The following RARB variants were observed in gnomAD, a reference collection of about 807,000 sequenced individuals.
The protein encoded by RARB is HBV-activated protein.
In RARB, 17 loss-of-function variants were observed where a neutral mutation model predicts 51.9. That is an observed-to-expected ratio of 0.33 (90% CI 0.22 to 0.49). The LOEUF (loss-of-function observed/expected upper bound fraction) is 0.49, where lower values mean the gene tolerates loss of function less well. Among genes scored for constraint, RARB ranks in the 20% least tolerant of loss-of-function variants. The pLI, the probability that RARB is intolerant of heterozygous loss-of-function variation, is 0.99. For missense variants in RARB, 369 were observed against 550.8 expected, an observed-to-expected ratio of 0.67 and a Z score of 3.30; for synonymous variants, 215 against 195.4, an observed-to-expected ratio of 1.10 and a Z score of -0.84.
At chr3:25,430,818 T>C (rs1010636994) in intron 1 of RARB, among the ~76,000 whole-genome samples, 5 of 152,194 alleles carry the variant, frequency 3.3e-5, no homozygotes, top group East Asian at 1.9e-4. Flanking sequence ...TAGTTCTTAT[T>C]GTGGTCAGTT....
chr3:25,117,841 T>C (rs1393619458), intron 3 of RARB, among the ~76,000 whole-genome samples: 1 of 152,164 alleles, frequency 6.6e-6, no homozygotes, highest in Non-Finnish European at 1.5e-5. Flanking sequence ...CCAAAAAATC[T>C]TACTAAAATG....
chr3:25,399,091 G>T (rs888575264), intron 5 of RARB, among the ~76,000 whole-genome samples: 3 of 152,162 alleles, frequency 2.0e-5, no homozygotes, highest in Non-Finnish European at 2.9e-5. Context: ...GCATGAGATT[G>T]TTTACAGATA....
chr3:25,121,304 C>T (rs1699779786), intron 3 of RARB, among the ~76,000 whole-genome samples: 1 of 152,036 alleles, frequency 6.6e-6, no homozygotes, highest in Admixed American at 6.6e-5. Context: ...TTAAAACTCC[C>T]AAGAATAAAC....
chr3:24,956,692 C>G (rs1280058508), intron 2 of RARB, among the ~76,000 whole-genome samples: 1 of 152,174 alleles, frequency 6.6e-6, no homozygotes, highest in East Asian at 1.9e-4. Flanking sequence ...AATTTTGTCT[C>G]AAGTCTAATG....
At chr3:25,415,883 G>T (rs1211794546) in intron 5 of RARB, among the ~76,000 whole-genome samples, 1 of 152,144 alleles carries the variant, frequency 6.6e-6, no homozygotes, top group East Asian at 1.9e-4. Flanking sequence ...AACTGGATTG[G>T]GTTGCTACCA....
intron 5 of RARB, among the ~76,000 whole-genome samples, chr3:25,358,614 G>C (rs187906977): frequency 6.6e-6 from 1 of 151,992 alleles, no homozygotes; most frequent in Non-Finnish European, 1.5e-5. Context: ...TTGGCTGTGC[G>C]TTCTCATTAA....
At chr3:25,485,085 T>C (rs1696397224) in intron 2 of RARB, among the ~76,000 whole-genome samples, 1 of 152,186 alleles carries the variant, frequency 6.6e-6, no homozygotes. Flanking sequence ...AGGATAAAAG[T>C]AAAAATTATT....
chr3:24,845,931 G>T (rs1702480924), intron 1 of RARB, among the ~76,000 whole-genome samples: 1 of 152,158 alleles, frequency 6.6e-6, no homozygotes, highest in African/African-American at 2.4e-5. Flanking sequence ...TGCTTTTACG[G>T]TTTACACTAT....
chr3:25,082,874 C>T (rs1699036433), intron 3 of RARB, among the ~76,000 whole-genome samples: 1 of 151,984 alleles, frequency 6.6e-6, no homozygotes, highest in African/African-American at 2.4e-5. Context: ...GAAGTCTAAA[C>T]TTTTGTTACT....
intron 2 of RARB, among the ~76,000 whole-genome samples, chr3:24,950,135 C>T (rs1695857988): frequency 6.6e-6 from 1 of 152,200 alleles, no homozygotes; most frequent in Non-Finnish European, 1.5e-5. Context: ...GGAGACCTCT[C>T]ATTTTATTCT....
At chr3:25,455,898 A>G (rs1344022097) in intron 1 of RARB, among the ~76,000 whole-genome samples, 1 of 152,230 alleles carries the variant, frequency 6.6e-6, no homozygotes, top group East Asian at 1.9e-4. Flanking sequence ...GGAGACAAAA[A>G]GCAGATCCGA....
At chr3:24,924,632 TTG>T (rs1415686092) in intron 2 of RARB, among the ~76,000 whole-genome samples, 8 of 152,166 alleles carry the variant, frequency 5.3e-5, no homozygotes, top group Admixed American at 1.3e-4. Context: ...TACATGACAA[TTG>T]TGTCATATGT....
intron 5 of RARB, among the ~76,000 whole-genome samples, chr3:25,405,461 T>C (rs716160): frequency 0.4 from 60,804 of 152,074 alleles, 12,781 homozygotes; most frequent in East Asian, 0.73. Flanking sequence ...AGTTTGGTGA[T>C]GTGGAAATAC....
At chr3:25,272,397 C>A (rs9853990) in intron 5 of RARB, among the ~76,000 whole-genome samples, 1 of 152,126 alleles carries the variant, frequency 6.6e-6, no homozygotes, top group African/African-American at 2.4e-5. Context: ...CTAGATAATA[C>A]TGCTAATTTG....
chr3:25,199,218 C>T (rs1575213272), intron 5 of RARB, among the ~76,000 whole-genome samples: 1 of 151,958 alleles, frequency 6.6e-6, no homozygotes, highest in South Asian at 2.1e-4. Context: ...ATCACATGGT[C>T]TCACTTATTT....
At chr3:24,972,743 T>C (rs1696428087) in intron 2 of RARB, among the ~76,000 whole-genome samples, 1 of 152,074 alleles carries the variant, frequency 6.6e-6, no homozygotes, top group African/African-American at 2.4e-5. Flanking sequence ...GGATGATTAG[T>C]GATATTAAAC....
chr3:25,405,015 T>C (rs1707368971), intron 5 of RARB, among the ~76,000 whole-genome samples: 1 of 152,194 alleles, frequency 6.6e-6, no homozygotes, highest in African/African-American at 2.4e-5. Flanking sequence ...ATATAATTTC[T>C]AAATCCCACC....
intron 5 of RARB, among the ~76,000 whole-genome samples, chr3:25,277,453 G>A (rs1426043359): frequency 6.6e-6 from 1 of 152,122 alleles, no homozygotes; most frequent in African/African-American, 2.4e-5. Context: ...AATAAAAAGG[G>A]GAGTTTTTAT....
At chr3:25,073,180 A>G (rs922816762) in intron 3 of RARB, among the ~76,000 whole-genome samples, 1 of 152,184 alleles carries the variant, frequency 6.6e-6, no homozygotes, top group African/African-American at 2.4e-5. Context: ...GGAGTAATAC[A>G]AAGGGAATAT....
Sources: gnomAD v4.1 joint callset for allele counts (sites outside exome capture counted in the v4.1 genomes callset) on GRCh38, gnomAD v4.1.1 for gene constraint, MANE v1.5 for transcripts, NCBI Gene and HGNC (gene_info 2026-07-23, HGNC 2026-07-21) for gene names.